The following BNC2 variants were observed in gnomAD, a reference collection of about 807,000 sequenced individuals.
BNC2 encodes zinc finger protein basonuclin-2.
BNC2 carries 20 observed loss-of-function variants against 76.3 expected under a neutral mutation model. That is an observed-to-expected ratio of 0.26 (90% CI 0.18 to 0.38). The LOEUF is 0.38. Ranked by LOEUF, BNC2 falls within the 10% of genes least tolerant of loss-of-function variation. BNC2 has a pLI of 1.00. For synonymous variants in BNC2, 582 were observed against 514.8 expected (o/e 1.13, Z -1.77); for missense variants, 1,382 against 1,399.8 (o/e 0.99, Z 0.20).
Position 16,530,179 on chromosome 9 carries a change from T to A in BNC2, c.669+22351A>T, listed in dbSNP as rs182501877. On this transcript the variant is annotated intron_variant, in intron 5 of 6. Transcript: ENST00000380672. ...GTTTTTTGTTTTTTGTTTTTTTTTT[T>A]AAAAAAGCCTTTCTAAGGTTGACTA... 2.9e-3 allele frequency among the ~76,000 whole-genome samples: 442 copies of A among 151,428 alleles called. 2 individuals carry two copies. Among genetic ancestry groups the A allele is most frequent in the African/African-American group, 7.7e-3 (316 of 41,136 alleles).
chr9:16,806,085 G>C (rs1817901952), intron 1 of BNC2, among the ~76,000 whole-genome samples: 2 of 152,298 alleles, frequency 1.3e-5, no homozygotes, highest in South Asian at 4.1e-4. Flanking sequence ...GATTTAAAAG[G>C]GGAGAATACT....
At chr9:16,716,392 C>T (rs1334518740) in intron 3 of BNC2, among the ~76,000 whole-genome samples, 1 of 152,130 alleles carries the variant, frequency 6.6e-6, no homozygotes, top group Non-Finnish European at 1.5e-5. Flanking sequence ...TATTTCTTTA[C>T]AAATGATTAT....
chr9:16,586,073 T>A (rs1233706611), intron 3 of BNC2, among the ~76,000 whole-genome samples: 2 of 152,012 alleles, frequency 1.3e-5, no homozygotes, highest in Non-Finnish European at 2.9e-5. Flanking sequence ...TTCCTCAATT[T>A]CCATTATTGG....
intron 5 of BNC2, among the ~76,000 whole-genome samples, chr9:16,480,552 G>A (rs990704721): frequency 1.3e-5 from 2 of 152,300 alleles, no homozygotes; most frequent in Admixed American, 6.5e-5. Flanking sequence ...GGCGCTTGCG[G>A]GCCAGCTGGA....
At chr9:16,679,287 T>C (rs1362134654) in intron 3 of BNC2, among the ~76,000 whole-genome samples, 1 of 152,188 alleles carries the variant, frequency 6.6e-6, no homozygotes, top group Non-Finnish European at 1.5e-5. Context: ...AGGAATGTTT[T>C]ATAATATAAA....
chr9:16,554,119 G>T (rs1378175278), intron 4 of BNC2, among the ~76,000 whole-genome samples: 1 of 152,144 alleles, frequency 6.6e-6, no homozygotes, highest in Non-Finnish European at 1.5e-5. Flanking sequence ...CTAAACTACA[G>T]TGTGGCCTTT....
chr9:16,821,003 C>T (rs868286952), intron 1 of BNC2, among the ~76,000 whole-genome samples: 4 of 151,860 alleles, frequency 2.6e-5, no homozygotes, highest in Admixed American at 6.6e-5. Flanking sequence ...GAGGCCGAGG[C>T]GGGTGGATCA....
intron 4 of BNC2, among the ~76,000 whole-genome samples, chr9:16,579,200 G>A (rs956717373): frequency 6.6e-6 from 1 of 152,120 alleles, no homozygotes; most frequent in African/African-American, 2.4e-5. Context: ...AATACTCTGT[G>A]AAAAGTAACA....
chr9:16,412,754 AGAGAGAGAGAGACT>A lies in BNC2; in HGVS notation c.*6221_*6234del, dbSNP rs1221685694. 3 of 136,234 alleles carry A rather than the reference AGAGAGAGAGAGACT, an allele frequency of 2.2e-5. No individual in the cohort carries two copies. The highest frequency in any genetic ancestry group is 2.3e-4 in the South Asian group (1 of 4,290). 8.4% of individuals were successfully genotyped at this position (136,234 alleles called of 1,614,324 possible). A position where few individuals can be genotyped will look rare whatever the true frequency, so the allele number is the denominator to read the frequency against. ...GAGAGAGAGAGAGAGAGAGAGAGAGAGAGAGAGAGAGACTGACTGATTGTGGATGTGTGTGTACA... is the reference window on the plus strand; with the variant it reads ...GAGAGAGAGAGAGAGAGAGAGAGAGAGACTGATTGTGGATGTGTGTGTACA... On this transcript the variant is annotated 3_prime_UTR_variant, in exon 7 of 7. Coordinates refer to ENST00000380672, the MANE Select transcript of BNC2 (RefSeq NM_017637.6).
intron 3 of BNC2, among the ~76,000 whole-genome samples, chr9:16,607,720 T>C (rs1042607897): frequency 6.6e-6 from 1 of 152,210 alleles, no homozygotes; most frequent in Non-Finnish European, 1.5e-5. Context: ...CTTTTTGAAA[T>C]CTAAGGTGAT....
intron 3 of BNC2, among the ~76,000 whole-genome samples, chr9:16,705,492 A>G (rs1028820264): frequency 5.3e-5 from 8 of 152,146 alleles, no homozygotes. Flanking sequence ...GTCACCCTGG[A>G]ATTTCTGCAG....
chr9:16,511,854 G>T (rs1235182398), intron 5 of BNC2, among the ~76,000 whole-genome samples: 1 of 152,128 alleles, frequency 6.6e-6, no homozygotes, highest in African/African-American at 2.4e-5. Flanking sequence ...CAAGCACAAG[G>T]CCATCACACT....
rs534704619 is a variant in BNC2 at position 16,470,732 on chromosome 9, C to T, written c.670-33208G>A. 1.6e-4 allele frequency among the ~76,000 whole-genome samples: 24 copies of T among 152,330 alleles called. No individual in the cohort carries two copies. The South Asian group carries it at 4.6e-3, about 29-fold the overall frequency. On this transcript the variant is annotated intron_variant, in intron 5 of 6. Coordinates refer to ENST00000380672, the MANE Select transcript of BNC2 (RefSeq NM_017637.6). ...GCGCAGATGCACAGAAGTCAAGAAT[C>T]GAAGTTTCGGAACCTCCGCCTAGAT...
At chr9:16,524,786 A>C (rs1455469748) in intron 5 of BNC2, among the ~76,000 whole-genome samples, 2 of 152,218 alleles carry the variant, frequency 1.3e-5, no homozygotes, top group African/African-American at 4.8e-5. Context: ...GTAAGACTGA[A>C]ATTCAGGCCA....
At chr9:16,770,384 T>C (rs1825802269) in intron 1 of BNC2, among the ~76,000 whole-genome samples, 1 of 152,232 alleles carries the variant, frequency 6.6e-6, no homozygotes, top group Non-Finnish European at 1.5e-5. Flanking sequence ...ACTTCTTAAA[T>C]AATTCACTGA....
At position 16,747,776 on chromosome 9, in the gene BNC2, C is replaced by A. The variant is rs192412463; in HGVS notation, c.4-9291G>T. 5.3e-5 allele frequency among the ~76,000 whole-genome samples: 8 copies of A among 152,286 alleles called. No individual in the cohort carries two copies. The East Asian group carries it at 5.8e-4, about 11-fold the overall frequency. The stretch of plus-strand genomic sequence containing the variant: ...TTGATAATTAAACATCAATTAATAT[C>A]TGGTAATATCTTTAGGCTTCTAAGT... On this transcript the variant is annotated intron_variant, in intron 1 of 6. Coordinates refer to ENST00000380672, the MANE Select transcript of BNC2 (RefSeq NM_017637.6).
intron 3 of BNC2, among the ~76,000 whole-genome samples, chr9:16,713,218 T>C (rs1409056424): frequency 6.6e-6 from 1 of 152,120 alleles, no homozygotes; most frequent in Non-Finnish European, 1.5e-5. Context: ...ATGGGATCAA[T>C]GTCTTGAGCC....
At chr9:16,754,591 T>C (rs1825322606) in intron 1 of BNC2, among the ~76,000 whole-genome samples, 1 of 151,994 alleles carries the variant, frequency 6.6e-6, no homozygotes. Context: ...AGAGTCTCGC[T>C]CTGTTGCTCA....
intron 5 of BNC2, among the ~76,000 whole-genome samples, chr9:16,493,678 A>C (rs1264124021): frequency 1.3e-5 from 2 of 152,218 alleles, no homozygotes; most frequent in African/African-American, 2.4e-5. Context: ...AGAGCTAGGC[A>C]AAAGGATAAA....
Sources: gnomAD v4.1 joint callset for allele counts (sites outside exome capture counted in the v4.1 genomes callset) on GRCh38, gnomAD v4.1.1 for gene constraint, MANE v1.5 for transcripts, NCBI Gene and HGNC (gene_info 2026-07-23, HGNC 2026-07-21) for gene names.